Variants in PTPRK observed in about 807,000 individuals in gnomAD.
PTPRK encodes protein tyrosine phosphatase receptor type K.
PTPRK carries 75 observed loss-of-function variants against 178.0 expected under a neutral mutation model. That is an observed-to-expected ratio of 0.42 (90% CI 0.35 to 0.51). The LOEUF (loss-of-function observed/expected upper bound fraction) is 0.51, where lower values mean the gene tolerates loss of function less well. PTPRK is among the 20% of genes least tolerant of loss of function. PTPRK has a pLI of 0.02. For synonymous variants in PTPRK, 637 were observed against 620.6 expected (o/e 1.03, Z -0.39); for missense variants, 1,441 against 1,797.8 (o/e 0.80, Z 3.59).
At chr6:128,295,597 C>T (rs1261609186) in intron 3 of PTPRK, among the ~76,000 whole-genome samples, 1 of 152,022 alleles carries the variant, frequency 6.6e-6, no homozygotes, top group Non-Finnish European at 1.5e-5. Flanking sequence ...GTGCCGAATA[C>T]AAATCTGATC....
At chr6:128,387,905 G>GGAA (rs1387746280) in intron 2 of PTPRK, among the ~76,000 whole-genome samples, 3 of 151,726 alleles carry the variant, frequency 2.0e-5, no homozygotes, top group Non-Finnish European at 4.4e-5. Context: ...GGGCCACCCT[G>GGAA]GAAGAAGAAG....
chr6:128,244,096 T>C (rs951629313), intron 3 of PTPRK, among the ~76,000 whole-genome samples: 8 of 152,152 alleles, frequency 5.3e-5, no homozygotes, highest in Non-Finnish European at 1.2e-4. Flanking sequence ...AGGTGAATGA[T>C]GCTGTCAGGA....
chr6:128,281,246 G>T (rs1330252340), intron 3 of PTPRK, among the ~76,000 whole-genome samples: 2 of 152,190 alleles, frequency 1.3e-5, no homozygotes, highest in African/African-American at 4.8e-5. Flanking sequence ...CCAGCCAGAT[G>T]TGGACTTCTC....
intron 1 of PTPRK, among the ~76,000 whole-genome samples, chr6:128,511,507 G>A (rs1467525333): frequency 2.0e-5 from 3 of 152,244 alleles, no homozygotes; most frequent in East Asian, 1.9e-4. Flanking sequence ...GATCTTGTTC[G>A]GTGGGAGCTG....
chr6:128,494,161 C>T (rs1854313443), intron 1 of PTPRK, among the ~76,000 whole-genome samples: 1 of 148,066 alleles, frequency 6.8e-6, no homozygotes, highest in African/African-American at 2.5e-5. Flanking sequence ...TGAACAGCCA[C>T]CGCACTCCAG....
intron 29 of PTPRK, among the ~76,000 whole-genome samples, chr6:127,970,606 T>C (rs1773795526): frequency 6.6e-6 from 1 of 152,034 alleles, no homozygotes; most frequent in Non-Finnish European, 1.5e-5. Context: ...ATAAAGAATA[T>C]ACACATTCTG....
intron 1 of PTPRK, among the ~76,000 whole-genome samples, chr6:128,479,164 G>C (rs1851740213): frequency 6.6e-6 from 1 of 152,034 alleles, no homozygotes; most frequent in Non-Finnish European, 1.5e-5. Flanking sequence ...AGTTTATGGT[G>C]TGTTCAATGG....
At chr6:128,222,021 A>G (rs1013807130) in intron 5 of PTPRK, among the ~76,000 whole-genome samples, 7 of 152,108 alleles carry the variant, frequency 4.6e-5, no homozygotes, top group Non-Finnish European at 7.4e-5. Context: ...CCTCTAGCTT[A>G]TCTCTCCAGG....
intron 5 of PTPRK, among the ~76,000 whole-genome samples, chr6:128,230,394 A>G (rs2128278669): frequency 6.6e-6 from 1 of 152,318 alleles, no homozygotes; most frequent in South Asian, 2.1e-4. Flanking sequence ...CAAAAAAACT[A>G]CAAGGGTTAA....
intron 13 of PTPRK, among the ~76,000 whole-genome samples, chr6:128,043,749 T>C (rs1268545170): frequency 2.0e-5 from 3 of 151,916 alleles, no homozygotes; most frequent in Non-Finnish European, 2.9e-5. Flanking sequence ...CACACTATCA[T>C]CTCAGTAACT....
At chr6:128,198,462 T>C (rs930914367) in intron 6 of PTPRK, among the ~76,000 whole-genome samples, 1 of 151,794 alleles carries the variant, frequency 6.6e-6, no homozygotes, top group Non-Finnish European at 1.5e-5. Context: ...TTATACACCA[T>C]GGCCTGTTGT....
intron 3 of PTPRK, among the ~76,000 whole-genome samples, chr6:128,264,160 C>T (rs1010217350): frequency 2.0e-5 from 3 of 152,108 alleles, no homozygotes; most frequent in African/African-American, 7.2e-5. Context: ...GTCCAGTTAA[C>T]GAAGAAGATG....
intron 7 of PTPRK, among the ~76,000 whole-genome samples, chr6:128,170,999 T>C (rs1276694757): frequency 2.6e-5 from 4 of 151,884 alleles, no homozygotes; most frequent in African/African-American, 9.7e-5. Flanking sequence ...GAATTACACA[T>C]TTCCATGAAA....
chr6:128,120,139 CTT>C (rs1792216533), intron 7 of PTPRK, among the ~76,000 whole-genome samples: 1 of 151,842 alleles, frequency 6.6e-6, no homozygotes, highest in Non-Finnish European at 1.5e-5. Flanking sequence ...TAATTTTAAA[CTT>C]AATCCTACTT....
intron 7 of PTPRK, among the ~76,000 whole-genome samples, chr6:128,127,650 AAACTAG>A (rs1793598147): frequency 6.6e-6 from 1 of 152,186 alleles, no homozygotes; most frequent in Non-Finnish European, 1.5e-5. Flanking sequence ...GTCTTTGATG[AAACTAG>A]AACTTGCCTT....
At chr6:128,333,040 G>C (rs1830475436) in intron 2 of PTPRK, among the ~76,000 whole-genome samples, 1 of 152,150 alleles carries the variant, frequency 6.6e-6, no homozygotes, top group Non-Finnish European at 1.5e-5. Flanking sequence ...CTGCTAAAAA[G>C]AAAAGCAACT....
chr6:128,470,491 G>A (rs1850477811), intron 1 of PTPRK, among the ~76,000 whole-genome samples: 1 of 151,568 alleles, frequency 6.6e-6, no homozygotes. Context: ...TTTTCACTTT[G>A]GGCCTCTAAC....
At chr6:128,206,409 A>AC (rs929353841) in intron 6 of PTPRK, among the ~76,000 whole-genome samples, 3 of 148,382 alleles carry the variant, frequency 2.0e-5, no homozygotes, top group African/African-American at 7.5e-5. Flanking sequence ...TGTTCATTAA[A>AC]AAAAAAAAAA....
intron 3 of PTPRK, among the ~76,000 whole-genome samples, chr6:128,292,716 G>A (rs533563475): frequency 6.6e-6 from 1 of 152,090 alleles, no homozygotes; most frequent in African/African-American, 2.4e-5. Context: ...TCAGGTAATA[G>A]ATAATCCTAC....
Sources: gnomAD v4.1 joint callset for allele counts (sites outside exome capture counted in the v4.1 genomes callset) on GRCh38, gnomAD v4.1.1 for gene constraint, MANE v1.5 for transcripts, NCBI Gene and HGNC (gene_info 2026-07-23, HGNC 2026-07-21) for gene names.